SCARA3: variants seen among roughly 807,000 people sequenced by gnomAD.
The protein encoded by SCARA3 is cellular stress response gene protein.
In SCARA3, 39 loss-of-function variants were observed where a neutral mutation model predicts 47.0. The observed-to-expected ratio is 0.83, with a 90% CI of 0.64 to 1.08. SCARA3 has a LOEUF of 1.08. SCARA3 is among the 50% of genes least tolerant of loss of function. SCARA3 has a pLI of 0.00. For synonymous variants in SCARA3, 356 were observed against 334.1 expected, an observed-to-expected ratio of 1.07 and a Z score of -0.71; for missense variants, 724 against 792.3, an observed-to-expected ratio of 0.91 and a Z score of 1.04.
downstream of SCARA3, among the ~76,000 whole-genome samples, chr8:27,675,837 A>G (rs1467698468): frequency 6.7e-6 from 1 of 149,258 alleles, no homozygotes; most frequent in Non-Finnish European, 1.5e-5. Context: ...CCTCCCCCCC[A>G]GAAACTCTGA....
intron 3 of SCARA3, among the ~76,000 whole-genome samples, chr8:27,653,324 C>T (rs1010904016): frequency 5.3e-5 from 8 of 152,182 alleles, no homozygotes; most frequent in East Asian, 1.9e-4. Flanking sequence ...CCATTCCTCA[C>T]GGGAGGGTAC....
At chr8:27,709,011 T>C in the SCARA3 span, among the ~76,000 whole-genome samples, 1 of 152,202 alleles carries the variant, frequency 6.6e-6, no homozygotes, top group Non-Finnish European at 1.5e-5. Flanking sequence ...TATGACTGTC[T>C]TCTGGGTAGG....
the SCARA3 span, among the ~76,000 whole-genome samples, chr8:27,700,265 G>C: frequency 6.6e-6 from 1 of 152,062 alleles, no homozygotes; most frequent in African/African-American, 2.4e-5. Flanking sequence ...ACATATATGA[G>C]ACAAAGGACT....
Position 27,672,162 on chromosome 8 carries a change from C to T in SCARA3, c.*811C>T, listed in dbSNP as rs137952320. The T allele has an allele frequency of 3.6e-3, 3,550 of 985,446 alleles. 10 individuals are homozygous for T. The highest frequency in any genetic ancestry group is 3.9e-3 in the Non-Finnish European group (3,259 of 829,952). The allele number at this position is 985,446 out of a possible 1,614,324, so 61.0% of individuals were successfully genotyped here. ...CCTGTCTGTCACAGCACAGTGGGGC[C>T]ACGAGGCTGACATTCTCTGGCCTTG... On this transcript the variant is annotated 3_prime_UTR_variant, in exon 6 of 6. Coordinates refer to ENST00000301904, the MANE Select transcript of SCARA3 (RefSeq NM_016240.3).
chr8:27,711,953 T>TG, the SCARA3 span, among the ~76,000 whole-genome samples: 11 of 152,194 alleles, frequency 7.2e-5, no homozygotes, highest in Non-Finnish European at 1.3e-4. Context: ...GGTTCACTCT[T>TG]GGTGTTGTAC....
chr8:27,696,132 C>T, the SCARA3 span, among the ~76,000 whole-genome samples: 1 of 151,858 alleles, frequency 6.6e-6, no homozygotes, highest in Non-Finnish European at 1.5e-5. Context: ...GCCCCAGCCT[C>T]CCAAGTAGCT....
In SCARA3 at chr8:27,672,192, C is replaced by T. The variant is rs1022298170; in HGVS notation, c.*841C>T. The T allele has an allele frequency of 1.0e-6, 1 of 985,372 alleles. No individual in the cohort carries two copies. The highest frequency in any genetic ancestry group is 1.2e-6 in the Non-Finnish European group (1 of 829,958). The allele number at this position is 985,372 out of a possible 1,614,324, so 61.0% of individuals were successfully genotyped here. On this transcript the variant is annotated 3_prime_UTR_variant, in exon 6 of 6. Transcript: ENST00000301904. ...GGCTGACATTCTCTGGCCTTGCACACAGTGCCCCCTGAGAAGTTCAACATT... is the reference window on the plus strand; with the variant it reads ...GGCTGACATTCTCTGGCCTTGCACATAGTGCCCCCTGAGAAGTTCAACATT...
the SCARA3 span, among the ~76,000 whole-genome samples, chr8:27,691,459 C>T: frequency 5.3e-4 from 80 of 152,226 alleles, no homozygotes; most frequent in African/African-American, 1.8e-3. Flanking sequence ...AACATGCTAA[C>T]GTTTCCAGCC....
chr8:27,719,037 G>A, the SCARA3 span, among the ~76,000 whole-genome samples: 1 of 152,170 alleles, frequency 6.6e-6, no homozygotes, highest in African/African-American at 2.4e-5. Context: ...CCTGCAAGAA[G>A]AAATGCAGGC....
chr8:27,692,280 T>C, the SCARA3 span, among the ~76,000 whole-genome samples: 1 of 151,828 alleles, frequency 6.6e-6, no homozygotes, highest in Non-Finnish European at 1.5e-5. Flanking sequence ...ATTAGCCGGG[T>C]GTGGTGGCAC....
chr8:27,653,676 G>T (rs1341434882), intron 3 of SCARA3, among the ~76,000 whole-genome samples: 1 of 151,824 alleles, frequency 6.6e-6, no homozygotes, highest in African/African-American at 2.4e-5. Context: ...CCAGAGGGTT[G>T]GGAAAATCAG....
At chr8:27,729,861 C>G in the SCARA3 span, among the ~76,000 whole-genome samples, 1 of 152,092 alleles carries the variant, frequency 6.6e-6, no homozygotes, top group Non-Finnish European at 1.5e-5. Context: ...ATGCACACCG[C>G]GGAAGGTAGA....
rs1354917315 is a variant in SCARA3 at position 27,671,581 on chromosome 8, C to T, written c.*230C>T. The T allele has an allele frequency of 1.6e-6, 2 of 1,261,970 alleles. No individual in the cohort carries two copies. Among genetic ancestry groups the T allele is most frequent in the East Asian group, 3.1e-5 (1 of 31,864 alleles). The allele number at this position is 1,261,970 out of a possible 1,614,324, so 78.2% of individuals were successfully genotyped here. ...GCACACACATGCATGCACACACATG[C>T]ACACATACACGCACATGCACACATA... On this transcript the variant is annotated 3_prime_UTR_variant, in exon 6 of 6. Transcript: ENST00000301904.
the SCARA3 span, among the ~76,000 whole-genome samples, chr8:27,719,115 C>T: frequency 2.6e-5 from 4 of 152,186 alleles, no homozygotes; most frequent in African/African-American, 4.8e-5. Flanking sequence ...CAAGCTTGGT[C>T]CTATTCACAC....
chr8:27,647,252 A>G (rs1320507644), intron 1 of SCARA3, among the ~76,000 whole-genome samples: 11 of 152,222 alleles, frequency 7.2e-5, no homozygotes, highest in African/African-American at 1.2e-4. Context: ...ATGTGCACAC[A>G]TACACAAAGT....
chr8:27,714,193 CTTTTTTT>C, the SCARA3 span, among the ~76,000 whole-genome samples: 1 of 114,112 alleles, frequency 8.8e-6, no homozygotes, highest in Non-Finnish European at 1.7e-5. Flanking sequence ...TCAGGTATTC[CTTTTTTT>C]TTTTTTTTTT....
downstream of SCARA3, among the ~76,000 whole-genome samples, chr8:27,679,026 A>G (rs1802319376): frequency 6.6e-6 from 1 of 152,006 alleles, no homozygotes; most frequent in African/African-American, 2.4e-5. Context: ...ATACTGTATG[A>G]TTCTCTTTGT....
chr8:27,696,411 A>G, the SCARA3 span, among the ~76,000 whole-genome samples: 8 of 152,088 alleles, frequency 5.3e-5, no homozygotes, highest in Admixed American at 1.3e-4. Flanking sequence ...ATCAGAAACA[A>G]TGAAATGAAA....
intron 2 of SCARA3, among the ~76,000 whole-genome samples, 192 bp from the exon 3 acceptor site, chr8:27,651,316 C>G (rs1229385587): frequency 6.6e-6 from 1 of 152,202 alleles, no homozygotes; most frequent in Non-Finnish European, 1.5e-5. Context: ...GACTCGGTCT[C>G]CTGCATTCCA....
Sources: allele counts gnomAD v4.1 joint callset (sites outside exome capture counted in the v4.1 genomes callset), GRCh38; gene constraint gnomAD v4.1.1; transcripts MANE v1.5; gene names NCBI Gene and HGNC (gene_info 2026-07-23, HGNC 2026-07-21).